SAMMSON: variants seen among roughly 807,000 people sequenced by gnomAD.
SAMMSON encodes long intergenic non-protein coding RNA 1212.
At chr3:70,236,264 T>C (rs1701607826) in intron 4 of SAMMSON, among the ~76,000 whole-genome samples, 1 of 152,186 alleles carries the variant, frequency 6.6e-6, no homozygotes, top group African/African-American at 2.4e-5. Flanking sequence ...AAATAACTTT[T>C]CCAGAGACAT....
intron 4 of SAMMSON, among the ~76,000 whole-genome samples, chr3:70,114,322 T>C (rs2067401563): frequency 6.6e-6 from 1 of 152,242 alleles, no homozygotes; most frequent in South Asian, 2.1e-4. Context: ...GTCTAGATCT[T>C]GTACTCTTGC....
intron 6 of SAMMSON, among the ~76,000 whole-genome samples, chr3:70,289,418 C>G (rs1184749024): frequency 6.7e-6 from 1 of 148,988 alleles, no homozygotes; most frequent in Non-Finnish European, 1.5e-5. Context: ...AGGGTTTCTG[C>G]CGAGAGATCC....
At chr3:70,172,836 T>TA (rs1313460468) in intron 4 of SAMMSON, 1 of 151,960 alleles carries the variant, frequency 6.6e-6, no homozygotes, top group East Asian at 1.9e-4. Context: ...TTCTTAATTT[T>TA]AAAAAAGAAG....
chr3:70,162,787 G>A (rs1389003455), intron 4 of SAMMSON, among the ~76,000 whole-genome samples: 1 of 151,240 alleles, frequency 6.6e-6, no homozygotes, highest in African/African-American at 2.4e-5. Flanking sequence ...ATTTCTGTCA[G>A]GGTTTGTTTA....
chr3:70,423,390 G>A (rs980501571), intron 2 of SAMMSON, among the ~76,000 whole-genome samples: 6 of 152,104 alleles, frequency 3.9e-5, no homozygotes, highest in Non-Finnish European at 7.4e-5. Context: ...TTTATTACCT[G>A]TAAGAATTTT....
chr3:70,270,296 G>A (rs562868813), intron 6 of SAMMSON, among the ~76,000 whole-genome samples: 10 of 152,124 alleles, frequency 6.6e-5, no homozygotes, highest in Non-Finnish European at 1.3e-4. Flanking sequence ...ATATTTCAAA[G>A]CATGGGAAAT....
intron 2 of SAMMSON, among the ~76,000 whole-genome samples, chr3:70,416,474 G>C (rs1293354860): frequency 6.6e-6 from 1 of 152,132 alleles, no homozygotes; most frequent in Non-Finnish European, 1.5e-5. Context: ...TATCTTAGCA[G>C]TGTATTACTC....
At chr3:70,284,367 A>G (rs1702119241) in intron 6 of SAMMSON, among the ~76,000 whole-genome samples, 2 of 152,188 alleles carry the variant, frequency 1.3e-5, no homozygotes, top group African/African-American at 4.8e-5. Context: ...TTGAGTTTTC[A>G]TATGTTTCCA....
chr3:70,115,076 C>CA (rs1203024708), intron 4 of SAMMSON, among the ~76,000 whole-genome samples: 1 of 151,948 alleles, frequency 6.6e-6, no homozygotes, highest in African/African-American at 2.4e-5. Context: ...CTTATTACTT[C>CA]AGATTATTCA....
intron 3 of SAMMSON, among the ~76,000 whole-genome samples, chr3:70,036,211 T>G (rs2067084556): frequency 6.6e-6 from 1 of 152,186 alleles, no homozygotes; most frequent in East Asian, 1.9e-4. Flanking sequence ...TTTATATGCC[T>G]CTATTCTAAG....
At chr3:70,400,970 A>G (rs1310670135) in intron 2 of SAMMSON, among the ~76,000 whole-genome samples, 1 of 152,166 alleles carries the variant, frequency 6.6e-6, no homozygotes, top group East Asian at 1.9e-4. Context: ...AGAATACAAA[A>G]GTAGAGGTGG....
chr3:70,330,938 AAGG>A (rs1304137873), intron 7 of SAMMSON, among the ~76,000 whole-genome samples: 5 of 152,192 alleles, frequency 3.3e-5, no homozygotes, highest in Non-Finnish European at 7.4e-5. Flanking sequence ...TTATAAGTGA[AAGG>A]AGAAGGCAAT....
intron 4 of SAMMSON, among the ~76,000 whole-genome samples, chr3:70,128,281 A>G (rs2067467561): frequency 6.6e-6 from 1 of 152,102 alleles, no homozygotes; most frequent in African/African-American, 2.4e-5. Flanking sequence ...CCATTTCTCC[A>G]TCTGAATAGC....
chr3:70,301,044 A>G (rs1299895561), intron 7 of SAMMSON, among the ~76,000 whole-genome samples: 1 of 152,072 alleles, frequency 6.6e-6, no homozygotes, highest in African/African-American at 2.4e-5. Flanking sequence ...TCTTTATGTT[A>G]TAGTTTTTCC....
At chr3:70,025,664 A>T (rs1036925635) in intron 3 of SAMMSON, among the ~76,000 whole-genome samples, 1 of 152,210 alleles carries the variant, frequency 6.6e-6, no homozygotes, top group Non-Finnish European at 1.5e-5. Flanking sequence ...TGGGGCACCA[A>T]TCCCACGCGG....
At chr3:70,020,233 C>G (rs2067006459) in intron 3 of SAMMSON, among the ~76,000 whole-genome samples, 1 of 152,066 alleles carries the variant, frequency 6.6e-6, no homozygotes, top group Admixed American at 6.6e-5. Context: ...CCCTTTTATT[C>G]TTTCCTTTAG....
intron 4 of SAMMSON, among the ~76,000 whole-genome samples, chr3:70,095,012 A>G (rs2067318462): frequency 6.6e-6 from 1 of 152,186 alleles, no homozygotes; most frequent in South Asian, 2.1e-4. Flanking sequence ...CTAATTTGCA[A>G]TTGCTTAAGG....
chr3:70,130,580 A>C (rs2067478870), intron 4 of SAMMSON, among the ~76,000 whole-genome samples: 1 of 152,098 alleles, frequency 6.6e-6, no homozygotes, highest in Non-Finnish European at 1.5e-5. Context: ...GTGACTTCTG[A>C]AGTTAGCACA....
intron 9 of SAMMSON, among the ~76,000 whole-genome samples, chr3:70,387,334 A>G (rs1308016802): frequency 6.6e-6 from 1 of 152,094 alleles, no homozygotes; most frequent in Non-Finnish European, 1.5e-5. Flanking sequence ...TGTATACTTT[A>G]TAAAAGAACT....
Sources: gnomAD v4.1 joint callset for allele counts (sites outside exome capture counted in the v4.1 genomes callset) on GRCh38, gnomAD v4.1.1 for gene constraint, MANE v1.5 for transcripts, NCBI Gene and HGNC (gene_info 2026-07-23, HGNC 2026-07-21) for gene names.